The following RC3H1 variants were observed in gnomAD, a reference collection of about 807,000 sequenced individuals.
RC3H1 encodes ring finger and CCCH-type domains 1, also known as roquin-1.
Under a neutral mutation model 138.2 loss-of-function variants are expected in RC3H1, and 50 were observed. The ratio of observed to expected loss-of-function variants is 0.36; its 90% CI spans 0.29 to 0.46. RC3H1 has a LOEUF of 0.46. RC3H1 is among the 20% of genes least tolerant of loss of function. The pLI, the probability that RC3H1 is intolerant of heterozygous loss-of-function variation, is 1.00. For synonymous variants in RC3H1, 462 were observed against 489.1 expected (o/e 0.94, Z 0.73); for missense variants, 1,031 against 1,388.1 (o/e 0.74, Z 4.09).
rs1426195305 is a variant in RC3H1 at position 173,934,642 on chromosome 1, C to CA, written c.*4078dup. ...GACCTTTGTTTGCCTACCAGTAGGG[C>CA]AAATACCACATTTGTGCATCACTGA... On this transcript the variant is annotated 3_prime_UTR_variant, in exon 20 of 20. Transcript: ENST00000367696. 2.0e-5 allele frequency: 3 copies of CA among 152,080 alleles called. No individual in the cohort carries two copies. Among genetic ancestry groups the CA allele is most frequent in the African/African-American group, 4.8e-5 (2 of 41,408 alleles). 9.4% of individuals were successfully genotyped at this position (152,080 alleles called of 1,614,324 possible).
chr1:173,993,185 A>G (rs1043195101), intron 1 of RC3H1, 50 bp from the exon 2 acceptor site: 4 of 559,906 alleles, frequency 7.1e-6, no homozygotes, highest in Non-Finnish European at 1.3e-5. Flanking sequence ...TTTTCAATTA[A>G]ACTGTTGAAA....
At chr1:174,021,466 G>A (rs918930487) in intron 1 of RC3H1, among the ~76,000 whole-genome samples, 8 of 151,466 alleles carry the variant, frequency 5.3e-5, no homozygotes, top group African/African-American at 1.9e-4. Flanking sequence ...CATTTTATAT[G>A]TTTTTGTTGC....
chr1:173,986,204 T>C (rs531139212), intron 2 of RC3H1, among the ~76,000 whole-genome samples: 5 of 152,144 alleles, frequency 3.3e-5, no homozygotes, highest in African/African-American at 7.2e-5. Context: ...TCCCCTATTA[T>C]TAACATCTTA....
rs1298502750 is a variant in RC3H1 at position 173,970,546 on chromosome 1, C to T, written c.1293G>A (p.Gly431=). The T allele has an allele frequency of 1.9e-6, 3 of 1,613,932 alleles. No homozygotes were observed. The highest frequency in any genetic ancestry group is 2.2e-5 in the East Asian group (1 of 44,858). The change falls in exon 9 of 20, where the codon GGG becomes GGA. Residue 431 remains glycine (G), a synonymous_variant. Transcript: ENST00000367696. ...GTGAGTGTGCAAATGTACAGCTGGC[C>T]CCACGAGGGCATCCTCCTCTCTGCT... ...DMKQRGGCPR[G]ASCTFAHSQE...
At chr1:173,982,314 G>C (rs1055533305) in intron 5 of RC3H1, among the ~76,000 whole-genome samples, 1 of 152,102 alleles carries the variant, frequency 6.6e-6, no homozygotes, top group African/African-American at 2.4e-5. Flanking sequence ...AGGAGGTGGA[G>C]GTTGCAGTGA....
intron 2 of RC3H1, among the ~76,000 whole-genome samples, chr1:173,990,995 C>T (rs548508599): frequency 7.2e-5 from 11 of 152,140 alleles, no homozygotes; most frequent in Non-Finnish European, 8.8e-5. Context: ...TCTGGGAGGT[C>T]GAGACAGGTG....
intron 2 of RC3H1, among the ~76,000 whole-genome samples, chr1:173,987,516 T>C (rs1443357942): frequency 6.6e-6 from 1 of 152,186 alleles, no homozygotes; most frequent in African/African-American, 2.4e-5. Flanking sequence ...CTCTATACTT[T>C]CCAGTGCTAC....
Position 173,964,087 on chromosome 1 carries a change from G to A in RC3H1, c.1717C>T (p.Pro573Ser). ...ADLPPMPVTK[P>S]LQMVPRGSQL... The stretch of plus-strand genomic sequence containing the variant: ...GAACCTCGAGGTACCATCTGAAGTG[G>A]TTTGGTAACAGGCATTGGAGGCAGA... Residue 573 changes from proline (P) to serine (S), a missense_variant, in exon 11 of 20, where the codon CCA becomes TCA. By Grantham distance (74) the Pro-to-Ser change is moderately conservative. This residue lies in a region of RC3H1 where 716 missense variants were observed against 837.9 expected (regional missense o/e 0.85). Coordinates refer to ENST00000367696, the MANE Select transcript of RC3H1 (RefSeq NM_172071.4). 5.6e-6 allele frequency: 9 copies of A among 1,614,120 alleles called. No individual in the cohort carries two copies. Among genetic ancestry groups the A allele is most frequent in the Non-Finnish European group, 7.6e-6 (9 of 1,179,990 alleles).
intron 1 of RC3H1, among the ~76,000 whole-genome samples, chr1:174,013,625 A>G (rs534920225): frequency 6.6e-6 from 1 of 152,112 alleles, no homozygotes; most frequent in East Asian, 1.9e-4. Context: ...TATTTTTAGT[A>G]GAGACAGGGT....
At chr1:173,958,680 A>G (rs1197653090) in intron 13 of RC3H1, among the ~76,000 whole-genome samples, 1 of 152,208 alleles carries the variant, frequency 6.6e-6, no homozygotes, top group Non-Finnish European at 1.5e-5. Context: ...AGACATTAAG[A>G]TAATAAGACA....
chr1:173,949,980 A>AATAT (rs1472862508), intron 14 of RC3H1, among the ~76,000 whole-genome samples: 1 of 152,086 alleles, frequency 6.6e-6, no homozygotes, highest in East Asian at 1.9e-4. Flanking sequence ...GAGCCTGACC[A>AATAT]ATATGGTGAA....
chr1:174,011,206 T>G (rs1213989806), intron 1 of RC3H1, among the ~76,000 whole-genome samples: 2 of 151,710 alleles, frequency 1.3e-5, no homozygotes, highest in African/African-American at 4.8e-5. Flanking sequence ...ACCTACAAAA[T>G]AAGAAGACAT....
chr1:173,993,019 C>G lies in RC3H1; in HGVS notation c.-34G>C. On this transcript the variant is annotated 5_prime_UTR_variant, in exon 2 of 20. Transcript: ENST00000367696. ...GAGTTACAATTCACGAACACAAACA[C>G]ACACACAAATCTAAAGCAAAGATTC... 1 of 1,445,540 alleles carries G rather than the reference C, an allele frequency of 6.9e-7. No homozygotes were observed. The highest frequency in any genetic ancestry group is 9.7e-7 in the Non-Finnish European group (1 of 1,027,480). The allele number at this position is 1,445,540 out of a possible 1,614,324, so 89.5% of individuals were successfully genotyped here.
intron 13 of RC3H1, among the ~76,000 whole-genome samples, 197 bp downstream of exon 13, chr1:173,960,880 A>C (rs1000212180): frequency 6.6e-6 from 1 of 152,142 alleles, no homozygotes; most frequent in African/African-American, 2.4e-5. Context: ...ACAAAAAAAA[A>C]GATCTTGACT....
rs973545597 is a variant in RC3H1 at position 173,964,981 on chromosome 1, C to G, written c.1474G>C (p.Ala492Pro). ...AVDLPSRKPPALPNGIVSTGN... is the reference protein window; with the variant it reads ...AVDLPSRKPPPLPNGIVSTGN... ...GTTGATACAATTCCATTTGGCAGAGCAGGAGGTTTTCTGCTAGGGAGATCC... is the reference window on the plus strand; with the variant it reads ...GTTGATACAATTCCATTTGGCAGAGGAGGAGGTTTTCTGCTAGGGAGATCC... Residue 492 changes from alanine to proline, a missense_variant, in exon 10 of 20, where the codon GCT becomes CCT. Ala to Pro is a conservative substitution (Grantham distance 27). This residue lies in a region of RC3H1 where 716 missense variants were observed against 837.9 expected (regional missense o/e 0.85). Coordinates refer to ENST00000367696, the MANE Select transcript of RC3H1 (RefSeq NM_172071.4). 2 of 1,613,948 alleles carry G rather than the reference C, an allele frequency of 1.2e-6. No individual in the cohort carries two copies. The highest frequency in any genetic ancestry group is 1.3e-5 in the African/African-American group (1 of 74,868).
chr1:173,976,746 C>T (rs1199585440), intron 7 of RC3H1, among the ~76,000 whole-genome samples: 1 of 152,098 alleles, frequency 6.6e-6, no homozygotes, highest in Non-Finnish European at 1.5e-5. Context: ...ACTATATATT[C>T]TAGTAACATT....
At chr1:173,987,481 GTGTC>G (rs1445880438) in intron 2 of RC3H1, among the ~76,000 whole-genome samples, 8 of 152,152 alleles carry the variant, frequency 5.3e-5, no homozygotes, top group Non-Finnish European at 1.0e-4. Flanking sequence ...CTCTGTGTAT[GTGTC>G]TGTGTGTGTT....
chr1:173,941,178 G>C (rs985367471), intron 19 of RC3H1, 87 bp downstream of exon 19: 3 of 781,354 alleles, frequency 3.8e-6, no homozygotes, highest in Non-Finnish European at 6.5e-6. Context: ...TTATATTTAT[G>C]AGGGTATTTC....
Position 173,932,478 on chromosome 1 carries a change from A to C in RC3H1, c.*6243T>G, listed in dbSNP as rs1658419975. The C allele has an allele frequency of 6.6e-6, 1 of 152,134 alleles. No individual in the cohort carries two copies. Among genetic ancestry groups the C allele is most frequent in the African/African-American group, 2.4e-5 (1 of 41,454 alleles). 9.4% of individuals were successfully genotyped at this position (152,134 alleles called of 1,614,324 possible). A position where few individuals can be genotyped will look rare whatever the true frequency, so the allele number is the denominator to read the frequency against. On this transcript the variant is annotated 3_prime_UTR_variant, in exon 20 of 20. Coordinates refer to ENST00000367696, the MANE Select transcript of RC3H1 (RefSeq NM_172071.4). The stretch of plus-strand genomic sequence containing the variant: ...CACTTTTTCCATTGTTCTTGTACCA[A>C]AAAGTCATAGATTAATCATAAAGAA...
Sources: gnomAD v4.1 joint callset for allele counts (sites outside exome capture counted in the v4.1 genomes callset) on GRCh38, gnomAD v4.1.1 for gene constraint, gnomAD v4.1.1 regional missense constraint, MANE v1.5 for transcripts, NCBI Gene and HGNC (gene_info 2026-07-23, HGNC 2026-07-21) for gene names.